BCL7C: variants seen among roughly 807,000 people sequenced by gnomAD.
BCL7C encodes BAF chromatin remodeling complex subunit BCL7C, also known as B-cell CLL/lymphoma 7 protein family member C.
In BCL7C, 8 loss-of-function variants were observed where a neutral mutation model predicts 26.2. The observed-to-expected ratio is 0.30, with a 90% CI of 0.18 to 0.55. The LOEUF (loss-of-function observed/expected upper bound fraction) is 0.55, where lower values mean the gene tolerates loss of function less well. Among genes scored for constraint, BCL7C ranks in the 20% least tolerant of loss-of-function variants. BCL7C has a pLI of 0.93. For synonymous variants in BCL7C, 90 were observed against 116.5 expected, an observed-to-expected ratio of 0.77 and a Z score of 1.47; for missense variants, 262 against 298.5, an observed-to-expected ratio of 0.88 and a Z score of 0.90.
At chr16:30,884,471 T>A (rs1477682241), downstream of BCL7C, among the ~76,000 whole-genome samples, 34 of 151,400 alleles carry the variant, frequency 2.2e-4, no homozygotes, top group Non-Finnish European at 1.5e-5. Context: ...CTGATGTCAC[T>A]ATTATCTCCT....
chr16:30,845,174 G>A (rs1169784370), intron 5 of BCL7C, among the ~76,000 whole-genome samples: 1 of 152,166 alleles, frequency 6.6e-6, no homozygotes, highest in African/African-American at 2.4e-5. Flanking sequence ...CACTGGTCCT[G>A]ACCTTTATTG....
downstream of BCL7C, among the ~76,000 whole-genome samples, chr16:30,887,307 A>C (rs765320199): frequency 6.7e-6 from 1 of 150,098 alleles, no homozygotes; most frequent in Admixed American, 6.7e-5. Flanking sequence ...AAAACTCTCT[A>C]AAAAAAAATA....
intron 5 of BCL7C, among the ~76,000 whole-genome samples, chr16:30,871,456 T>C (rs1049890470): frequency 6.6e-6 from 1 of 152,174 alleles, no homozygotes; most frequent in Non-Finnish European, 1.5e-5. Context: ...ATTATGCATG[T>C]AGTGCTCTGA....
Position 30,837,113 on chromosome 16 carries a change from A to T in BCL7C, c.529-1965T>A, listed in dbSNP as rs551689374. Among the ~76,000 whole-genome samples, 37 of 151,594 alleles carry T rather than the reference A, an allele frequency of 2.4e-4. 1 individual carries two copies. The highest frequency in any genetic ancestry group is 1.7e-3 in the Admixed American group (26 of 15,210). The stretch of plus-strand genomic sequence containing the variant: ...CCGGCCGACTCCATCTCTTTAAAAA[A>T]TTTTTTTTCAACTCTCGTCACTGAG... On this transcript the variant is annotated intron_variant, in intron 5 of 5. Coordinates refer to the BCL7C transcript ENST00000380317.
intron 5 of BCL7C, among the ~76,000 whole-genome samples, chr16:30,881,392 T>TCACACACACACA (rs72155482): frequency 0.12 from 17,668 of 143,944 alleles, 1,144 homozygotes; most frequent in South Asian, 0.18. Context: ...TGAGACTCCG[T>TCACACACACACA]CACACACACA....
chr16:30,841,953 CAAAAAAA>C (rs1183661130), intron 5 of BCL7C, among the ~76,000 whole-genome samples: 1 of 22,232 alleles, frequency 4.5e-5, no homozygotes, highest in Non-Finnish European at 8.8e-5. Context: ...GACTCCATCT[CAAAAAAA>C]AAAAAAAAAA....
At chr16:30,863,843 C>A (rs2054798513) in intron 5 of BCL7C, among the ~76,000 whole-genome samples, 2 of 152,168 alleles carry the variant, frequency 1.3e-5, no homozygotes, top group African/African-American at 4.8e-5. Context: ...ATTTCCTTTC[C>A]ATAGTGAAAA....
intron 5 of BCL7C, 32 bp from the exon 6 acceptor site, chr16:30,888,022 C>T (rs2055162511): frequency 1.9e-6 from 3 of 1,585,434 alleles, no homozygotes; most frequent in South Asian, 2.3e-5. Flanking sequence ...GCGTGAGCTC[C>T]ACAGAACCCA....
intron 5 of BCL7C, among the ~76,000 whole-genome samples, chr16:30,866,919 T>G (rs1016508747): frequency 6.6e-6 from 1 of 152,096 alleles, no homozygotes; most frequent in Non-Finnish European, 1.5e-5. Context: ...CTGAGCATGG[T>G]GGTGCACACC....
chr16:30,866,512 G>A (rs923371311), intron 5 of BCL7C, among the ~76,000 whole-genome samples: 1 of 151,098 alleles, frequency 6.6e-6, no homozygotes, highest in African/African-American at 2.4e-5. Context: ...GGGTGGCAGA[G>A]GTTGCAGTGA....
chr16:30,850,599 T>C (rs1278161454), intron 5 of BCL7C, among the ~76,000 whole-genome samples: 1 of 152,166 alleles, frequency 6.6e-6, no homozygotes, highest in Non-Finnish European at 1.5e-5. Context: ...AGGTGATATA[T>C]ATATAATACT....
intron 5 of BCL7C, chr16:30,851,420 T>C (rs1267260816): frequency 5.2e-6 from 1 of 193,808 alleles, no homozygotes; most frequent in Non-Finnish European, 1.1e-5. Flanking sequence ...TTTGTATTTT[T>C]AGTAGAGACA....
intron 5 of BCL7C, among the ~76,000 whole-genome samples, chr16:30,859,180 T>C (rs932451686): frequency 6.6e-6 from 1 of 152,190 alleles, no homozygotes; most frequent in Admixed American, 6.5e-5. Flanking sequence ...AAATTCACGA[T>C]AATGACAGAT....
At chr16:30,844,584 T>A (rs1011263933) in intron 5 of BCL7C, among the ~76,000 whole-genome samples, 1 of 152,180 alleles carries the variant, frequency 6.6e-6, no homozygotes, top group African/African-American at 2.4e-5. Context: ...TTGCTTCTTT[T>A]AATTTTTTGA....
At chr16:30,843,698 A>G in intron 5 of BCL7C, among the ~76,000 whole-genome samples, 1 of 152,120 alleles carries the variant, frequency 6.6e-6, no homozygotes, top group East Asian at 1.9e-4. Context: ...GATGTAATGC[A>G]GCCTGGACTT....
At chr16:30,843,483 C>T (rs2054614908) in intron 5 of BCL7C, among the ~76,000 whole-genome samples, 1 of 148,508 alleles carries the variant, frequency 6.7e-6, no homozygotes, top group Non-Finnish European at 1.5e-5. Context: ...GTCACTTGGG[C>T]CTGGGAGGTT....
At chr16:30,873,743 C>T (rs1225164976) in intron 5 of BCL7C, among the ~76,000 whole-genome samples, 4 of 149,800 alleles carry the variant, frequency 2.7e-5, no homozygotes, top group South Asian at 2.1e-4. Flanking sequence ...CCCAGCTACT[C>T]GGGAGGCTGA....
chr16:30,841,664 C>T (rs974679308), intron 5 of BCL7C, among the ~76,000 whole-genome samples: 4 of 152,112 alleles, frequency 2.6e-5, no homozygotes. Flanking sequence ...GTGTAAAGCT[C>T]AGGGCCCTTG....
chr16:30,835,270 G>T, intron 5 of BCL7C: 1 of 900,130 alleles, frequency 1.1e-6, no homozygotes, highest in Non-Finnish European at 1.6e-6. Flanking sequence ...TCTTTTGCAA[G>T]CGATTAAGCT....
Sources: allele counts gnomAD v4.1 joint callset (sites outside exome capture counted in the v4.1 genomes callset), GRCh38; gene constraint gnomAD v4.1.1; transcripts MANE v1.5; gene names NCBI Gene and HGNC (gene_info 2026-07-23, HGNC 2026-07-21).